The following NUP133 variants were observed in gnomAD, a reference collection of about 807,000 sequenced individuals.
NUP133 encodes the protein nuclear pore complex protein Nup133.
Under a neutral mutation model 146.2 loss-of-function variants are expected in NUP133, and 66 were observed. That is an observed-to-expected ratio of 0.45 (90% CI 0.37 to 0.55). NUP133 has a LOEUF of 0.55. Among genes scored for constraint, NUP133 ranks in the 20% least tolerant of loss-of-function variants. NUP133 has a pLI of 0.00. For synonymous variants in NUP133, 521 were observed against 498.8 expected, an observed-to-expected ratio of 1.04 and a Z score of -0.59; for missense variants, 1,277 against 1,374.8, an observed-to-expected ratio of 0.93 and a Z score of 1.12.
intron 12 of NUP133, among the ~76,000 whole-genome samples, chr1:229,478,116 A>G (rs1040414048): frequency 6.6e-6 from 1 of 152,178 alleles, no homozygotes; most frequent in Non-Finnish European, 1.5e-5. Flanking sequence ...TGTACCCCAC[A>G]AACGTATACA....
At chr1:229,467,954 T>C (rs1016924677) in intron 15 of NUP133, among the ~76,000 whole-genome samples, 7 of 150,192 alleles carry the variant, frequency 4.7e-5, no homozygotes, top group Non-Finnish European at 1.0e-4. Context: ...GCATATATAA[T>C]ATAAAAGACA....
At chr1:229,470,449 A>G (rs554392700) in intron 15 of NUP133, 131 bp downstream of exon 15, 1 of 736,570 alleles carries the variant, frequency 1.4e-6, no homozygotes, top group South Asian at 1.8e-5. Context: ...TAGCCAGAAA[A>G]TCTGGAGTCC....
intron 9 of NUP133, among the ~76,000 whole-genome samples, chr1:229,487,838 A>ATTTTT (rs10565327): frequency 8.5e-6 from 1 of 118,154 alleles, no homozygotes; most frequent in Admixed American, 9.3e-5. Flanking sequence ...TGCTTTTTTA[A>ATTTTT]TTTTTTTTTT....
intron 1 of NUP133, 95 bp downstream of exon 1, chr1:229,507,973 C>T: frequency 2.3e-6 from 3 of 1,313,792 alleles, no homozygotes; most frequent in Non-Finnish European, 2.9e-6. Flanking sequence ...ATTCCGCCGC[C>T]CCGGTTCCAA....
Position 229,450,566 on chromosome 1 carries a change from C to T in NUP133, c.3139G>A (p.Asp1047Asn), listed in dbSNP as rs1262677146. 1 of 1,588,172 alleles carries T rather than the reference C, an allele frequency of 6.3e-7. No homozygotes were observed. The change falls in exon 23 of 26, where the codon GAT (aspartate) becomes AAT (asparagine). Residue 1047 changes from aspartate to asparagine, a missense_variant. Asp to Asn is a conservative substitution (Grantham distance 23). Coordinates refer to ENST00000261396, the MANE Select transcript of NUP133 (RefSeq NM_018230.3). ...AACAAGTCCAAAGCTTTCTTGAAATCATATTCATTAGCTCTTCTATTTTCT... is the reference window on the plus strand; with the variant it reads ...AACAAGTCCAAAGCTTTCTTGAAATTATATTCATTAGCTCTTCTATTTTCT... Reference protein sequence around the residue: ...CEENRRANEYDFKKALDLLEY... With the variant: ...CEENRRANEYNFKKALDLLEY...
chr1:229,454,225 C>G (rs553360467), intron 21 of NUP133, among the ~76,000 whole-genome samples: 8 of 152,156 alleles, frequency 5.3e-5, no homozygotes, highest in Admixed American at 2.0e-4. Context: ...CATAAACTCT[C>G]CAGGTTGCAG....
At chr1:229,456,348 C>T (rs771205567) in intron 21 of NUP133, among the ~76,000 whole-genome samples, 12 of 152,176 alleles carry the variant, frequency 7.9e-5, no homozygotes, top group Non-Finnish European at 1.6e-4. Context: ...ATTGTTTTCA[C>T]ATTTATTAGT....
rs1488893313 is a variant in NUP133, at chr1:229,440,964, G to C, written c.*940C>G. ...AGATGGTTAGTGGGCATTCTACTGG[G>C]CCAAGCCGCGGACATGCCAGCAACT... On this transcript the variant is annotated 3_prime_UTR_variant, in exon 26 of 26. Transcript: ENST00000261396. 1.3e-5 allele frequency: 2 copies of C among 157,080 alleles called. No individual in the cohort carries two copies. Among genetic ancestry groups the C allele is most frequent in the Non-Finnish European group, 2.8e-5 (2 of 71,106 alleles). The allele number at this position is 157,080 out of a possible 1,614,324, so 9.7% of individuals were successfully genotyped here. A position where few individuals can be genotyped will look rare whatever the true frequency, so the allele number is the denominator to read the frequency against.
Position 229,497,985 on chromosome 1 carries a change from A to G in NUP133, c.819+151T>C, listed in dbSNP as rs949346819. 1.3e-4 allele frequency: 61 copies of G among 482,088 alleles called. 1 individual carries two copies. The East Asian group carries it at 2.1e-3, about 17-fold the overall frequency. 29.9% of individuals were successfully genotyped at this position (482,088 alleles called of 1,614,324 possible). On this transcript the variant is annotated intron_variant, in intron 6 of 25. Transcript: ENST00000261396. ...GAGAAGGTTAGTATGATCTCATTTC[A>G]TCATAATAAAAATAGTTCACTAAAA...
At chr1:229,506,514 A>C (rs1661943104) in intron 1 of NUP133, among the ~76,000 whole-genome samples, 1 of 151,508 alleles carries the variant, frequency 6.6e-6, no homozygotes, top group South Asian at 2.1e-4. Flanking sequence ...GAAAGACAGA[A>C]TATAAAACAT....
In NUP133 at chr1:229,486,366, A is replaced by G. The variant is rs1200795253; in HGVS notation, c.1500+5T>C. 1 of 1,566,478 alleles carries G rather than the reference A, an allele frequency of 6.4e-7. No individual in the cohort carries two copies. Among genetic ancestry groups the G allele is most frequent in the Admixed American group, 2.1e-5 (1 of 47,030 alleles). ...AAACTTCAAATTCTTATCGAATCAC[A>G]TTACCTCACTGTTTGGTCCAGCAAC... On this transcript the variant is annotated splice_donor_5th_base_variant and intron_variant, in intron 11 of 25. Coordinates refer to ENST00000261396, the MANE Select transcript of NUP133 (RefSeq NM_018230.3).
At position 229,464,728 on chromosome 1, in the gene NUP133, T is replaced by TA; in HGVS notation, c.2446dup (p.Tyr816LeufsTer6). 6.2e-7 allele frequency: 1 copy of TA among 1,614,218 alleles called. No homozygotes were observed. The highest frequency in any genetic ancestry group is 8.5e-7 in the Non-Finnish European group (1 of 1,180,040). The stretch of plus-strand genomic sequence containing the variant: ...ATCCACAGACTTAAGCTGAGAAACA[T>TA]AACCATCCAGGAAGCAATCGATCAG... On this transcript the variant is annotated frameshift_variant, in exon 18 of 26. Transcript: ENST00000261396. LOFTEE classifies it high-confidence loss of function.
chr1:229,498,014 C>A (rs1661699251), intron 6 of NUP133, 122 bp downstream of exon 6: 2 of 599,918 alleles, frequency 3.3e-6, no homozygotes, highest in Non-Finnish European at 5.3e-6. Context: ...ACTAAAAAGA[C>A]CAAAGGTTTT....
At chr1:229,452,679 T>A (rs571576157) in intron 21 of NUP133, 36 bp from the exon 22 acceptor site, 1 of 1,488,382 alleles carries the variant, frequency 6.7e-7, no homozygotes, top group African/African-American at 1.4e-5. Context: ...AAAGAGAATA[T>A]GATGAAATTT....
intron 11 of NUP133, 49 bp from the exon 12 acceptor site, chr1:229,484,194 T>G (rs766447215): frequency 7.3e-7 from 1 of 1,364,556 alleles, no homozygotes; most frequent in East Asian, 2.3e-5. Context: ...CTGAATATTC[T>G]TAATTATTGG....
intron 19 of NUP133, among the ~76,000 whole-genome samples, chr1:229,462,953 TC>T (rs1211920767): frequency 6.6e-6 from 1 of 152,210 alleles, no homozygotes; most frequent in Non-Finnish European, 1.5e-5. Flanking sequence ...TCTTCTATGC[TC>T]CCGAGTATCT....
At chr1:229,492,256 G>A (rs956992913) in intron 8 of NUP133, among the ~76,000 whole-genome samples, 1 of 151,912 alleles carries the variant, frequency 6.6e-6, no homozygotes, top group African/African-American at 2.4e-5. Context: ...ACAGGCATGC[G>A]CCACCACACC....
chr1:229,494,400 A>G (rs1661601042), intron 8 of NUP133, among the ~76,000 whole-genome samples: 1 of 152,202 alleles, frequency 6.6e-6, no homozygotes. Context: ...CAACTGCAAT[A>G]TCCCTCCAAG....
intron 24 of NUP133, among the ~76,000 whole-genome samples, chr1:229,446,984 C>CGTG (rs1398395366): frequency 1.1e-4 from 16 of 151,796 alleles, no homozygotes; most frequent in Non-Finnish European, 2.2e-4. Flanking sequence ...ATTAGCCAGG[C>CGTG]GTGGTGGTAC....
Sources: allele counts gnomAD v4.1 joint callset (sites outside exome capture counted in the v4.1 genomes callset), GRCh38; gene constraint gnomAD v4.1.1; transcripts MANE v1.5; gene names NCBI Gene and HGNC (gene_info 2026-07-23, HGNC 2026-07-21).